Variants in CHD9 observed in about 807,000 individuals in gnomAD.
CHD9 encodes the protein ATP-dependent chromatin remodeler CHD9.
A neutral mutation model predicts 316.1 loss-of-function variants in CHD9; 77 were observed. That is an observed-to-expected ratio of 0.24 (90% CI 0.20 to 0.29). The LOEUF (loss-of-function observed/expected upper bound fraction) is 0.29, where lower values mean the gene tolerates loss of function less well. Among genes scored for constraint, CHD9 ranks in the 10% least tolerant of loss-of-function variants. The pLI, the probability that CHD9 is intolerant of heterozygous loss-of-function variation, is 1.00. For synonymous variants in CHD9, 1,129 were observed against 1,158.3 expected, an observed-to-expected ratio of 0.97 and a Z score of 0.51; for missense variants, 2,763 against 3,438.1, an observed-to-expected ratio of 0.80 and a Z score of 4.91.
chr16:53,253,100 CAT>C (rs891574202), intron 17 of CHD9, among the ~76,000 whole-genome samples: 3 of 152,096 alleles, frequency 2.0e-5, no homozygotes, highest in Non-Finnish European at 4.4e-5. Flanking sequence ...CTTGGACACA[CAT>C]GTTTATAGTG....
At chr16:53,192,227 A>G (rs902605960) in intron 2 of CHD9, among the ~76,000 whole-genome samples, 5 of 152,232 alleles carry the variant, frequency 3.3e-5, no homozygotes, top group Non-Finnish European at 7.4e-5. Context: ...TATAGAAAGA[A>G]GTCTAATTGT....
chr16:53,119,819 G>A (rs1002859556), intron 1 of CHD9, among the ~76,000 whole-genome samples: 3 of 152,142 alleles, frequency 2.0e-5, no homozygotes, highest in African/African-American at 4.8e-5. Flanking sequence ...GTGCCAGAGC[G>A]AAACTCCATA....
intron 1 of CHD9, among the ~76,000 whole-genome samples, chr16:53,106,521 A>G (rs1218515270): frequency 6.6e-6 from 1 of 152,204 alleles, no homozygotes; most frequent in Non-Finnish European, 1.5e-5. Flanking sequence ...TCTTTTTCAA[A>G]TTAGGTCTTA....
intron 2 of CHD9, among the ~76,000 whole-genome samples, chr16:53,197,358 A>G (rs565672646): frequency 1.3e-5 from 2 of 152,278 alleles, no homozygotes; most frequent in Admixed American, 1.3e-4. Flanking sequence ...GTAGGATTTG[A>G]GTGACATTTT....
intron 19 of CHD9, among the ~76,000 whole-genome samples, chr16:53,260,478 CA>C (rs879502561): frequency 1.5e-4 from 21 of 144,782 alleles, no homozygotes; most frequent in African/African-American, 1.8e-4. Context: ...GACCTTTTCT[CA>C]AAAAAAAAAA....
intron 27 of CHD9, among the ~76,000 whole-genome samples, chr16:53,289,364 G>A (rs1478075586): frequency 6.6e-6 from 1 of 151,960 alleles, no homozygotes; most frequent in Non-Finnish European, 1.5e-5. Flanking sequence ...AGACCAACCT[G>A]AGCAATATAA....
chr16:53,082,228 A>ATTTG (rs1158173470), intron 1 of CHD9, among the ~76,000 whole-genome samples: 1 of 150,880 alleles, frequency 6.6e-6, no homozygotes, highest in Non-Finnish European at 1.5e-5. Flanking sequence ...TTATTTATTT[A>ATTTG]TTTATTTATT....
chr16:53,109,134 G>T (rs1331748205), intron 1 of CHD9, among the ~76,000 whole-genome samples: 1 of 152,152 alleles, frequency 6.6e-6, no homozygotes, highest in Non-Finnish European at 1.5e-5. Context: ...GCCATGCCCG[G>T]TTGCCCTGTC....
At chr16:53,106,688 G>A (rs1357385930) in intron 1 of CHD9, among the ~76,000 whole-genome samples, 1 of 151,524 alleles carries the variant, frequency 6.6e-6, no homozygotes, top group Admixed American at 6.6e-5. Flanking sequence ...ACAGCGCGAT[G>A]TGCATATGGT....
chr16:53,204,058 T>TACACACACACACACACAC (rs58259105), intron 2 of CHD9, among the ~76,000 whole-genome samples: 2 of 62,964 alleles, frequency 3.2e-5, no homozygotes, highest in African/African-American at 8.9e-5. Flanking sequence ...AATATATATA[T>TACACACACACACACACAC]ACACACACAC....
At chr16:53,282,903 C>T (rs2153036331) in intron 24 of CHD9, among the ~76,000 whole-genome samples, 1 of 152,236 alleles carries the variant, frequency 6.6e-6, no homozygotes, top group African/African-American at 2.4e-5. Context: ...AGAATCTTCA[C>T]ATAGGCCTTC....
Position 53,273,799 on chromosome 16 carries a change from A to AT in CHD9, c.4877+18dup, listed in dbSNP as rs769440893. The AT allele has an allele frequency of 6.3e-7, 1 of 1,581,826 alleles. No individual in the cohort carries two copies. Among genetic ancestry groups the AT allele is most frequent in the East Asian group, 2.2e-5 (1 of 44,644 alleles). ...CCACTGTAATAAGTAGGTATAGGGT[A>AT]TTTTAAACACAACTCTTTAAATGTT... On this transcript the variant is annotated intron_variant, in intron 23 of 38. Transcript: ENST00000447540.
intron 1 of CHD9, among the ~76,000 whole-genome samples, chr16:53,094,232 A>G (rs940602466): frequency 1.3e-5 from 2 of 152,158 alleles, no homozygotes; most frequent in Non-Finnish European, 2.9e-5. Context: ...CCTGCTGTGC[A>G]AGATTTCCTA....
In CHD9 at chr16:53,255,587, A is replaced by C. The variant is rs533265340; in HGVS notation, c.4030-13A>C. On this transcript the variant is annotated splice_polypyrimidine_tract_variant and intron_variant, in intron 18 of 38. Transcript: ENST00000447540. ...AAAAAAAACTATTTTTATGGAAGTT[A>C]ATTTCTCCTTAGATTCAGCAGCTTT... 2 of 1,600,878 alleles carry C rather than the reference A, an allele frequency of 1.2e-6. No individual in the cohort carries two copies. Among genetic ancestry groups the C allele is most frequent in the East Asian group, 2.2e-5 (1 of 44,778 alleles).
intron 1 of CHD9, among the ~76,000 whole-genome samples, chr16:53,106,540 G>T (rs56209763): frequency 0.27 from 41,373 of 151,998 alleles, 7,051 homozygotes; most frequent in Non-Finnish European, 0.38. Context: ...TATTATAACA[G>T]GTATTTACTA....
At chr16:53,118,967 T>G (rs2038531892) in intron 1 of CHD9, among the ~76,000 whole-genome samples, 1 of 152,106 alleles carries the variant, frequency 6.6e-6, no homozygotes. Flanking sequence ...AACTTTTGTA[T>G]TTTTAGTAGA....
chr16:53,149,007 T>C (rs541529967), intron 1 of CHD9, among the ~76,000 whole-genome samples: 2 of 152,362 alleles, frequency 1.3e-5, no homozygotes, highest in Non-Finnish European at 2.9e-5. Flanking sequence ...TTCCTCGTTA[T>C]TTCTTCTTAG....
chr16:53,318,474 A>G lies in CHD9; in HGVS notation c.7713+134A>G, dbSNP rs1015157215. 6.0e-6 allele frequency: 4 copies of G among 662,582 alleles called. No homozygotes were observed. The African/African-American group carries it at 7.3e-5, about 12-fold the overall frequency. The allele number at this position is 662,582 out of a possible 1,614,324, so 41.0% of individuals were successfully genotyped here. Reference sequence around the variant, plus strand: ...TTGAATCTATCAGATTTCTGAGGGAAGACATGCAGTATAATTTTATGCAGT... The same window carrying G: ...TTGAATCTATCAGATTTCTGAGGGAGGACATGCAGTATAATTTTATGCAGT... On this transcript the variant is annotated intron_variant, in intron 37 of 38. Coordinates refer to ENST00000447540, the MANE Select transcript of CHD9 (RefSeq NM_001308319.2).
At chr16:53,235,873 G>A (rs957927002) in intron 11 of CHD9, among the ~76,000 whole-genome samples, 1 of 152,074 alleles carries the variant, frequency 6.6e-6, no homozygotes, top group African/African-American at 2.4e-5. Context: ...GTAAAAAAAT[G>A]TTACTGCGAT....
Sources: gnomAD v4.1 joint callset for allele counts (sites outside exome capture counted in the v4.1 genomes callset) on GRCh38, gnomAD v4.1.1 for gene constraint, MANE v1.5 for transcripts, NCBI Gene and HGNC (gene_info 2026-07-23, HGNC 2026-07-21) for gene names.